Variants in ASPA observed in about 807,000 individuals in gnomAD.
The protein encoded by ASPA is ACY-2.
In ASPA, 25 loss-of-function variants were observed where a neutral mutation model predicts 29.6. The observed-to-expected ratio is 0.85, with a 90% CI of 0.62 to 1.18. The LOEUF (loss-of-function observed/expected upper bound fraction) is 1.18. Among genes scored for constraint, ASPA ranks in the 50% most tolerant of loss-of-function variants. ASPA has a pLI of 0.00. For missense variants in ASPA, 333 were observed against 385.7 expected, an observed-to-expected ratio of 0.86 and a Z score of 1.14; for synonymous variants, 131 against 130.3, an observed-to-expected ratio of 1.01 and a Z score of -0.04.
intron 5 of ASPA, among the ~76,000 whole-genome samples, chr17:3,496,355 A>G (rs61697033): frequency 0.023 from 3,460 of 152,334 alleles, 128 homozygotes; most frequent in African/African-American, 0.077. Context: ...TAAAAGAAAT[A>G]CACAAAATAA....
chr17:3,485,564 C>T lies in ASPA; in HGVS notation c.526+1972C>T, dbSNP rs2073704135. On this transcript the variant is annotated intron_variant, in intron 3 of 5. Coordinates refer to ENST00000263080, the MANE Select transcript of ASPA (RefSeq NM_000049.4). This position sits in a 1 kb window ranked among gnomAD's most constrained non-coding sequence, Gnocchi z 4.4. ...AGCCATCTAACACTGGAAATACATA[C>T]ATTCATGAGCTTGTCCGGAGTGATC... Among the ~76,000 whole-genome samples, 1 of 152,136 alleles carries T rather than the reference C, an allele frequency of 6.6e-6. No homozygotes were observed. The highest frequency in any genetic ancestry group is 2.4e-5 in the African/African-American group (1 of 41,432).
At chr17:3,477,166 T>A (rs6502726) in intron 1 of ASPA, among the ~76,000 whole-genome samples, 1,845 of 151,422 alleles carry the variant, frequency 0.012, 35 homozygotes, top group African/African-American at 0.042. Flanking sequence ...AAAAAATAAA[T>A]AAATAAATAA....
Position 3,488,464 on chromosome 17 carries a change from C to A in ASPA, c.527-771C>A, listed in dbSNP as rs2073765708. On this transcript the variant is annotated intron_variant, in intron 3 of 5. Transcript: ENST00000263080. This position sits in a 1 kb window ranked among gnomAD's most constrained non-coding sequence, Gnocchi z 6.1. ...CTGCGGTCAGGAGTTTGAGACCAGC[C>A]TGACCAACATGGTGAAACCCTGCCT... Among the ~76,000 whole-genome samples the A allele has an allele frequency of 6.6e-6, 1 of 152,152 alleles. No individual in the cohort carries two copies. The highest frequency in any genetic ancestry group is 1.5e-5 in the Non-Finnish European group (1 of 68,042).
Position 3,490,656 on chromosome 17 carries a change from G to C in ASPA, c.634+1314G>C, listed in dbSNP as rs2073809354. On this transcript the variant is annotated intron_variant, in intron 4 of 5. Coordinates refer to ENST00000263080, the MANE Select transcript of ASPA (RefSeq NM_000049.4). This position sits in a 1 kb window ranked among gnomAD's most constrained non-coding sequence, Gnocchi z 4.6. ...TTTGTCTGAGGGCAGGTTCTATACT[G>C]TCTAATGGAACTGGTTTTGAGAAGA... 6.6e-6 allele frequency among the ~76,000 whole-genome samples: 1 copy of C among 152,152 alleles called. No individual in the cohort carries two copies. The highest frequency in any genetic ancestry group is 1.5e-5 in the Non-Finnish European group (1 of 68,024).
upstream of ASPA, among the ~76,000 whole-genome samples, chr17:3,475,791 C>T (rs2073512337): frequency 6.6e-6 from 1 of 152,184 alleles, no homozygotes; most frequent in South Asian, 2.1e-4. Flanking sequence ...GTGAAAGCCT[C>T]ACTGGATGAC....
chr17:3,491,772 A>G (rs1345890492), intron 4 of ASPA, among the ~76,000 whole-genome samples: 1 of 151,864 alleles, frequency 6.6e-6, no homozygotes, highest in Non-Finnish European at 1.5e-5. Flanking sequence ...GAAAGAAAGA[A>G]GTCTACATTA....
chr17:3,478,193 A>G (rs1253187086), intron 1 of ASPA, among the ~76,000 whole-genome samples: 1 of 150,776 alleles, frequency 6.6e-6, no homozygotes, highest in African/African-American at 2.4e-5. Flanking sequence ...TCAAAAAAAA[A>G]AATATATATA....
chr17:3,478,872 C>A (rs2073579161), intron 1 of ASPA, among the ~76,000 whole-genome samples: 1 of 152,200 alleles, frequency 6.6e-6, no homozygotes, highest in Non-Finnish European at 1.5e-5. Context: ...TCCTTTGTCT[C>A]CCACGTCTAG....
intron 1 of ASPA, among the ~76,000 whole-genome samples, chr17:3,479,461 A>C (rs377720872): frequency 2.6e-5 from 4 of 152,232 alleles, no homozygotes; most frequent in Admixed American, 1.3e-4. Flanking sequence ...TAAACAAATA[A>C]GGGTTTCTTG....
intron 5 of ASPA, among the ~76,000 whole-genome samples, chr17:3,495,925 T>C (rs913941368): frequency 6.6e-6 from 1 of 152,104 alleles, no homozygotes; most frequent in Non-Finnish European, 1.5e-5. Context: ...GAAAGCACTA[T>C]TGGTGACAAA....
intron 5 of ASPA, among the ~76,000 whole-genome samples, chr17:3,498,341 C>A (rs2073942370): frequency 6.6e-6 from 1 of 151,992 alleles, no homozygotes; most frequent in Non-Finnish European, 1.5e-5. Flanking sequence ...GGTATTGAAG[C>A]AAACTCTTTT....
intron 5 of ASPA, among the ~76,000 whole-genome samples, chr17:3,495,311 C>G (rs1398810671): frequency 6.6e-6 from 1 of 152,116 alleles, no homozygotes; most frequent in African/African-American, 2.4e-5. Context: ...TAAAAAACAT[C>G]ATAATAGCAA....
chr17:3,497,538 A>C (rs1288309622), intron 5 of ASPA, among the ~76,000 whole-genome samples: 2 of 152,150 alleles, frequency 1.3e-5, no homozygotes, highest in East Asian at 3.8e-4. Flanking sequence ...ATAAAATATA[A>C]AAATAATGAT....
intron 5 of ASPA, among the ~76,000 whole-genome samples, chr17:3,497,995 G>A (rs539133515): frequency 9.2e-5 from 14 of 152,086 alleles, no homozygotes; most frequent in Non-Finnish European, 1.6e-4. Flanking sequence ...TCCCTGGTGC[G>A]GGACCCTTCA....
chr17:3,499,256 A>C lies in ASPA; in HGVS notation c.*168A>C. 1 of 570,064 alleles carries C rather than the reference A, an allele frequency of 1.8e-6. No homozygotes were observed. Among genetic ancestry groups the C allele is most frequent in the African/African-American group, 1.9e-5 (1 of 53,540 alleles). The allele number at this position is 570,064 out of a possible 1,614,324, so 35.3% of individuals were successfully genotyped here. On this transcript the variant is annotated 3_prime_UTR_variant, in exon 6 of 6. Transcript: ENST00000263080. ...TCTTAAATTAATTAATATATCTTTAAAGATATCATATTTTATGTATGTAGC... is the reference window on the plus strand; with the variant it reads ...TCTTAAATTAATTAATATATCTTTACAGATATCATATTTTATGTATGTAGC...
intron 5 of ASPA, among the ~76,000 whole-genome samples, chr17:3,496,793 G>A (rs923161148): frequency 1.2e-4 from 18 of 152,274 alleles, no homozygotes; most frequent in African/African-American, 3.1e-4. Flanking sequence ...CTGGCCAGGA[G>A]CGGTGGCTCA....
intron 5 of ASPA, among the ~76,000 whole-genome samples, chr17:3,495,161 A>G (rs1047742364): frequency 1.3e-5 from 2 of 152,222 alleles, no homozygotes; most frequent in African/African-American, 2.4e-5. Context: ...AAAGGAGAGA[A>G]GAACAGATTT....
intron 2 of ASPA, among the ~76,000 whole-genome samples, chr17:3,482,988 C>T (rs896572184): frequency 1.5e-5 from 2 of 137,438 alleles, no homozygotes; most frequent in African/African-American, 5.5e-5. Context: ...GAGCGGAATG[C>T]TTTGGTTGCC....
At chr17:3,482,246 T>A (rs2073643635) in intron 2 of ASPA, among the ~76,000 whole-genome samples, 1 of 152,218 alleles carries the variant, frequency 6.6e-6, no homozygotes, top group South Asian at 2.1e-4. Flanking sequence ...GAAATAGTCC[T>A]TTAACGTAGA....
Sources: gnomAD v4.1 joint callset for allele counts (sites outside exome capture counted in the v4.1 genomes callset) on GRCh38, gnomAD v4.1.1 for gene constraint, Gnocchi (gnomAD v3.1) non-coding constraint, MANE v1.5 for transcripts, NCBI Gene and HGNC (gene_info 2026-07-23, HGNC 2026-07-21) for gene names.